DNAH5: variants seen among roughly 807,000 people sequenced by gnomAD.
DNAH5 encodes axonemal beta dynein heavy chain 5.
Under a neutral mutation model 518.2 loss-of-function variants are expected in DNAH5, and 372 were observed. That is an observed-to-expected ratio of 0.72 (90% CI 0.66 to 0.78). DNAH5 has a LOEUF of 0.78. DNAH5 is among the 30% of genes least tolerant of loss of function. DNAH5 has a pLI of 0.00. For synonymous variants in DNAH5, 2,039 were observed against 2,025.9 expected (o/e 1.01, Z -0.17); for missense variants, 5,523 against 5,687.0 (o/e 0.97, Z 0.93).
intron 47 of DNAH5, among the ~76,000 whole-genome samples, chr5:13,807,053 T>G (rs902367674): frequency 6.6e-6 from 1 of 152,196 alleles, no homozygotes; most frequent in African/African-American, 2.4e-5. Flanking sequence ...GATTCTTCCA[T>G]GCCAATAACC....
At chr5:13,819,252 A>G (rs1420226476) in intron 41 of DNAH5, among the ~76,000 whole-genome samples, 5 of 152,218 alleles carry the variant, frequency 3.3e-5, no homozygotes, top group African/African-American at 1.2e-4. Context: ...AGCATACATG[A>G]AAAACCACGT....
intron 19 of DNAH5, among the ~76,000 whole-genome samples, chr5:13,883,999 T>C (rs547964768): frequency 3.3e-4 from 50 of 152,234 alleles, no homozygotes; most frequent in African/African-American, 1.2e-3. Context: ...TTAATTACTA[T>C]TATTTGTTTT....
Position 13,844,914 on chromosome 5 carries a change from C to G in DNAH5, c.5194G>C (p.Ala1732Pro), listed in dbSNP as rs1765763021. Residue 1732 changes from alanine to proline, a missense_variant, in exon 32 of 79, where the codon GCG (alanine) becomes CCG (proline). By Grantham distance (27) the Ala-to-Pro change is conservative. Transcript: ENST00000265104. ...DPALLEILGQASDSHTIQAHL... is the reference protein window; with the variant it reads ...DPALLEILGQPSDSHTIQAHL... The stretch of plus-strand genomic sequence containing the variant: ...GCCTGTATAGTGTGGGAGTCCGACG[C>G]CTGCCCCAGAATCTCTAGAAGGGCA... The G allele has an allele frequency of 6.2e-7, 1 of 1,614,134 alleles. No homozygotes were observed. The highest frequency in any genetic ancestry group is 2.2e-5 in the East Asian group (1 of 44,886).
intron 1 of DNAH5, among the ~76,000 whole-genome samples, chr5:13,956,693 C>T (rs1288042231): frequency 6.6e-6 from 1 of 152,116 alleles, no homozygotes; most frequent in African/African-American, 2.4e-5. Context: ...TAGCAGAGAC[C>T]GAAGTGTGAG....
At chr5:13,979,204 T>C (rs1209620794) in intron 1 of DNAH5, among the ~76,000 whole-genome samples, 2 of 152,120 alleles carry the variant, frequency 1.3e-5, no homozygotes, top group Non-Finnish European at 1.5e-5. Context: ...ACCCAAAGCC[T>C]ACATGTCCAG....
chr5:13,785,248 G>A (rs574388859), intron 52 of DNAH5, among the ~76,000 whole-genome samples: 3 of 151,512 alleles, frequency 2.0e-5, no homozygotes, highest in South Asian at 2.1e-4. Flanking sequence ...AACAGGGTTC[G>A]GGCTCCTATG....
chr5:13,863,952 C>T (rs1295213208), intron 28 of DNAH5, among the ~76,000 whole-genome samples: 5 of 152,186 alleles, frequency 3.3e-5, no homozygotes, highest in African/African-American at 4.8e-5. Flanking sequence ...CATAATGCAC[C>T]ATCTGCCTGG....
chr5:13,797,682 G>A (rs1758038969), intron 47 of DNAH5, among the ~76,000 whole-genome samples: 1 of 152,170 alleles, frequency 6.6e-6, no homozygotes, highest in Non-Finnish European at 1.5e-5. Flanking sequence ...ATTACCATTT[G>A]ACCCAGCAAT....
intron 76 of DNAH5, among the ~76,000 whole-genome samples, chr5:13,703,698 G>T (rs542258937): frequency 1.1e-4 from 16 of 152,144 alleles, no homozygotes; most frequent in South Asian, 2.1e-4. Context: ...TTCCTTCTAT[G>T]GGGAGAGAGC....
At chr5:13,716,328 T>C (rs889044152) in intron 74 of DNAH5, among the ~76,000 whole-genome samples, 159 bp downstream of exon 74, 2 of 152,196 alleles carry the variant, frequency 1.3e-5, no homozygotes, top group African/African-American at 4.8e-5. Flanking sequence ...TAATCATCCA[T>C]TGAGTATAAA....
intron 46 of DNAH5, 23 bp from the exon 47 acceptor site, chr5:13,807,748 A>T: frequency 1.3e-6 from 2 of 1,589,332 alleles, no homozygotes; most frequent in Non-Finnish European, 1.7e-6. Flanking sequence ...GAATTGAAAA[A>T]AAAAGAAATG....
chr5:13,859,478 C>G lies in DNAH5; in HGVS notation c.4924G>C (p.Gly1642Arg). ...TTGGGCAGCTGCTTGGCAATGTCTC[C>G]TCCCACAAAGACAGCTTCTAAATAA... ...WIYLEAVFVG[G>R]DIAKQLPKEA... The change falls in exon 30 of 79, where the codon GGA becomes CGA. Residue 1642 changes from glycine (G) to arginine (R), a missense_variant. This residue lies in a region of DNAH5 where 5,121 missense variants were observed against 5,223.3 expected (regional missense o/e 0.98). Coordinates refer to ENST00000265104, the MANE Select transcript of DNAH5 (RefSeq NM_001369.3). The G allele has an allele frequency of 2.5e-6, 4 of 1,614,026 alleles. No individual in the cohort carries two copies. The highest frequency in any genetic ancestry group is 3.4e-6 in the Non-Finnish European group (4 of 1,179,948).
intron 1 of DNAH5, among the ~76,000 whole-genome samples, chr5:13,938,525 T>C (rs960624975): frequency 2.7e-5 from 4 of 150,196 alleles, no homozygotes; most frequent in African/African-American, 9.9e-5. Context: ...GTCATAGGTA[T>C]ATATATGTAC....
At chr5:13,937,908 T>C (rs1226407082) in intron 1 of DNAH5, among the ~76,000 whole-genome samples, 2 of 152,212 alleles carry the variant, frequency 1.3e-5, no homozygotes, top group Non-Finnish European at 2.9e-5. Context: ...GAGATCATTG[T>C]AAATAATGTA....
At chr5:13,697,011 T>C (rs912070485) in intron 78 of DNAH5, among the ~76,000 whole-genome samples, 2 of 152,208 alleles carry the variant, frequency 1.3e-5, no homozygotes, top group African/African-American at 4.8e-5. Context: ...TATTACTTTA[T>C]TACTACCATG....
chr5:13,981,261 T>C (rs1006622819), intron 1 of DNAH5, among the ~76,000 whole-genome samples: 2 of 152,212 alleles, frequency 1.3e-5, no homozygotes, highest in East Asian at 3.9e-4. Context: ...ATGATTCAGA[T>C]GTCAGTGATC....
rs1266452931 is a variant in DNAH5 at position 13,792,227 on chromosome 5, G to T, written c.8225-10C>A. 2.5e-6 allele frequency: 4 copies of T among 1,605,670 alleles called. No individual in the cohort carries two copies. The highest frequency in any genetic ancestry group is 3.3e-5 in the Admixed American group (2 of 59,906). On this transcript the variant is annotated splice_polypyrimidine_tract_variant and intron_variant, in intron 49 of 78. Coordinates refer to ENST00000265104, the MANE Select transcript of DNAH5 (RefSeq NM_001369.3). ...CCTACCCCAATCACACCTGAAAAGG[G>T]GGAAATTACAGCATTTTGATTAGCC... is the stretch of plus-strand genomic sequence containing the variant.
Position 13,751,174 on chromosome 5 carries a change from AG to A in DNAH5, c.11114del (p.Pro3705LeufsTer3). ...TGATGGAGGTACGGGCACTTATCTC[AG>A]GGGTGTAGGCTGGGTTAGGCAATTT... ...TTKLPNPAYT[P>X]EISARTSIID... On this transcript the variant is annotated frameshift_variant, in exon 65 of 79. Transcript: ENST00000265104. LOFTEE classifies it high-confidence loss of function. The A allele has an allele frequency of 6.2e-7, 1 of 1,613,786 alleles. No homozygotes were observed. The highest frequency in any genetic ancestry group is 8.5e-7 in the Non-Finnish European group (1 of 1,179,722).
At chr5:13,960,082 C>T (rs1781065183) in intron 1 of DNAH5, among the ~76,000 whole-genome samples, 1 of 150,610 alleles carries the variant, frequency 6.6e-6, no homozygotes, top group Non-Finnish European at 1.5e-5. Flanking sequence ...TTCTGCTTCC[C>T]TACGGCATGA....
Sources: allele counts gnomAD v4.1 joint callset (sites outside exome capture counted in the v4.1 genomes callset), GRCh38; gene constraint gnomAD v4.1.1; regional missense constraint gnomAD v4.1.1; transcripts MANE v1.5; gene names NCBI Gene and HGNC (gene_info 2026-07-23, HGNC 2026-07-21).